The following PCNX1 variants were observed in gnomAD, a reference collection of about 807,000 sequenced individuals.
The protein encoded by PCNX1 is pecanex 1.
In PCNX1, 78 loss-of-function variants were observed where a neutral mutation model predicts 242.2. That is an observed-to-expected ratio of 0.32 (90% CI 0.27 to 0.39). The LOEUF is 0.39. PCNX1 is among the 10% of genes least tolerant of loss of function. PCNX1 has a pLI of 1.00. For missense variants in PCNX1, 2,581 were observed against 2,856.5 expected (o/e 0.90, Z 2.20); for synonymous variants, 1,024 against 1,032.9 (o/e 0.99, Z 0.17).
At chr14:70,932,953 A>G (rs893139855) in intron 1 of PCNX1, among the ~76,000 whole-genome samples, 2 of 152,156 alleles carry the variant, frequency 1.3e-5, no homozygotes, top group South Asian at 4.1e-4. Flanking sequence ...TATGGAACCA[A>G]TTGCATTTTT....
rs368170242 is a variant in PCNX1, at chr14:71,108,750, C to T, written c.6448C>T (p.Arg2150Cys). The change falls in exon 34 of 36, where the codon CGC becomes TGC. Residue 2150 changes from arginine (R) to cysteine (C), a missense_variant. By Grantham distance (180) the Arg-to-Cys change is radical. Transcript: ENST00000304743. Reference protein sequence around the residue: ...MSTTGFVPCRRSSTSQISLRN... With the variant: ...MSTTGFVPCRCSSTSQISLRN... ...CACCACTGGGTTTGTGCCTTGTCGG[C>T]GCTCTTCTACTAGTCAGATATCGCT... 9.3e-6 allele frequency: 15 copies of T among 1,614,228 alleles called. No homozygotes were observed. The highest frequency in any genetic ancestry group is 2.2e-5 in the South Asian group (2 of 91,086).
intron 15 of PCNX1, chr14:71,027,197 C>A: frequency 9.9e-6 from 2 of 202,638 alleles, no homozygotes; most frequent in Non-Finnish European, 2.0e-5. Flanking sequence ...CATAAAAGAT[C>A]ATCTATCCTG....
In PCNX1 at chr14:71,042,835, A is replaced by G. The variant is rs77844248; in HGVS notation, c.3868-2298A>G. Among the ~76,000 whole-genome samples, 1,364 of 151,890 alleles carry G rather than the reference A, an allele frequency of 9.0e-3. 10 individuals carry two copies. The highest frequency in any genetic ancestry group is 0.012 in the Non-Finnish European group (841 of 67,928). ...CTTTTATTGTTTACTCTTCAATTTGATTGGTTTTTTGTAGTAATAACATTT... is the reference window on the plus strand; with the variant it reads ...CTTTTATTGTTTACTCTTCAATTTGGTTGGTTTTTTGTAGTAATAACATTT... On this transcript the variant is annotated intron_variant, in intron 19 of 35. Transcript: ENST00000304743.
In PCNX1 at chr14:70,912,630, T is replaced by A. The variant is rs180885294; in HGVS notation, c.153+4627T>A. 3.3e-5 allele frequency among the ~76,000 whole-genome samples: 5 copies of A among 151,988 alleles called. No homozygotes were observed. In the East Asian group the frequency reaches 9.6e-4, roughly 29 times the overall value. The stretch of plus-strand genomic sequence containing the variant: ...ATCTAGTTGCTTATCCCCCACCCCT[T>A]GCTTTTGAGCAAATCTTACCACTTT... On this transcript the variant is annotated intron_variant, in intron 1 of 35. Transcript: ENST00000304743.
intron 3 of PCNX1, among the ~76,000 whole-genome samples, chr14:70,967,787 A>G (rs989087901): frequency 5.9e-5 from 9 of 152,206 alleles, no homozygotes; most frequent in East Asian, 1.9e-4. Flanking sequence ...TTGTCTGCCA[A>G]ACCTTCCTTT....
At chr14:70,980,584 T>C (rs374449610) in intron 6 of PCNX1, among the ~76,000 whole-genome samples, 128 of 152,264 alleles carry the variant, frequency 8.4e-4, no homozygotes, top group African/African-American at 3.0e-3. Context: ...GGTTTTTTAA[T>C]TGGTTTTTAT....
chr14:71,047,330 G>C (rs1261032001), intron 21 of PCNX1, among the ~76,000 whole-genome samples: 1 of 152,028 alleles, frequency 6.6e-6, no homozygotes, highest in Non-Finnish European at 1.5e-5. Context: ...TATTTTATGA[G>C]AGGACATTTT....
chr14:71,105,477 T>G, intron 33 of PCNX1, 37 bp downstream of exon 33: 1 of 1,503,694 alleles, frequency 6.7e-7, no homozygotes, highest in Non-Finnish European at 9.3e-7. Context: ...AATGTTAGCT[T>G]CTTAGCCATA....
intron 6 of PCNX1, among the ~76,000 whole-genome samples, chr14:70,980,865 A>G (rs1037229240): frequency 6.6e-6 from 1 of 152,182 alleles, no homozygotes; most frequent in Non-Finnish European, 1.5e-5. Context: ...ATACCTATGC[A>G]TAAACCATAG....
Position 71,108,616 on chromosome 14 carries a change from G to C in PCNX1, c.6314G>C (p.Ser2105Thr). 3.1e-6 allele frequency: 5 copies of C among 1,610,524 alleles called. No individual in the cohort carries two copies. Among genetic ancestry groups the C allele is most frequent in the East Asian group, 2.2e-5 (1 of 44,822 alleles). The stretch of plus-strand genomic sequence containing the variant: ...TTTCTCCTCCTAGGCACTAGCCACA[G>C]CTCTCACTCTGTGCAGTCGGGCCTG... Reference protein sequence around the residue: ...SYPPTLGTSHSSHSVQSGLVR... With the variant: ...SYPPTLGTSHTSHSVQSGLVR... The change falls in exon 34 of 36, where the codon AGC becomes ACC. Residue 2105 changes from serine to threonine, a missense_variant. By Grantham distance (58) the Ser-to-Thr change is moderately conservative (BLOSUM62 1). Coordinates refer to ENST00000304743, the MANE Select transcript of PCNX1 (RefSeq NM_014982.3).
At chr14:70,961,229 C>G (rs2058200088) in intron 2 of PCNX1, among the ~76,000 whole-genome samples, 1 of 152,068 alleles carries the variant, frequency 6.6e-6, no homozygotes, top group African/African-American at 2.4e-5. Flanking sequence ...GCCAAAAGAA[C>G]AAAGCTGGAG....
In PCNX1 at chr14:71,113,347, A is replaced by C. The variant is rs887993180; in HGVS notation, c.*3412A>C. On this transcript the variant is annotated 3_prime_UTR_variant, in exon 36 of 36. Coordinates refer to ENST00000304743, the MANE Select transcript of PCNX1 (RefSeq NM_014982.3). ...ACAATATTTGTATCCTAAGTGAGAT[A>C]TGGAAAATTACTCTGTATACTAAAT... is the stretch of plus-strand genomic sequence containing the variant. The C allele has an allele frequency of 6.6e-6, 1 of 152,670 alleles. No homozygotes were observed. Among genetic ancestry groups the C allele is most frequent in the African/African-American group, 2.4e-5 (1 of 41,468 alleles). 9.5% of individuals were successfully genotyped at this position (152,670 alleles called of 1,614,324 possible).
At chr14:70,986,993 G>T (rs1456166143) in intron 6 of PCNX1, among the ~76,000 whole-genome samples, 1 of 152,090 alleles carries the variant, frequency 6.6e-6, no homozygotes, top group East Asian at 1.9e-4. Flanking sequence ...CTGTTAGCAG[G>T]TATACCAATT....
Position 70,977,775 on chromosome 14 carries a change from A to G in PCNX1, c.1438A>G (p.Arg480Gly). 1 of 1,614,160 alleles carries G rather than the reference A, an allele frequency of 6.2e-7. No individual in the cohort carries two copies. The highest frequency in any genetic ancestry group is 8.5e-7 in the Non-Finnish European group (1 of 1,180,030). ...CCCCTCTGATGAGATGCACAACCAG[A>G]GAGGTCTCAGCACCTCTGCATCTGA... ...PTPSDEMHNQ[R>G]GLSTSASEEA... The change falls in exon 6 of 36, where the codon AGA (arginine) becomes GGA (glycine). Residue 480 changes from arginine to glycine, a missense_variant. By Grantham distance (125) the Arg-to-Gly change is moderately radical. Around this residue, in one of 9 missense-constraint regions of PCNX1, gnomAD observed 1,204 missense variants for 1,216.7 expected, o/e 0.99. Coordinates refer to ENST00000304743, the MANE Select transcript of PCNX1 (RefSeq NM_014982.3).
chr14:71,025,583 A>G (rs868345294), intron 13 of PCNX1, among the ~76,000 whole-genome samples: 1 of 152,132 alleles, frequency 6.6e-6, no homozygotes, highest in Non-Finnish European at 1.5e-5. Flanking sequence ...ATATACATAT[A>G]TATTACCCAT....
intron 31 of PCNX1, 125 bp from the exon 32 acceptor site, chr14:71,103,270 T>A: frequency 9.3e-7 from 1 of 1,070,314 alleles, no homozygotes; most frequent in Non-Finnish European, 1.4e-6. Flanking sequence ...CTACTTATAT[T>A]TGTTCCCCGC....
At chr14:71,055,465 A>C (rs763346325) in intron 24 of PCNX1, 39 bp from the exon 25 acceptor site, 3 of 1,180,068 alleles carry the variant, frequency 2.5e-6, no homozygotes, top group Middle Eastern at 2.3e-4. Flanking sequence ...ATATTTTTTA[A>C]TGTAAAGAAA....
At chr14:71,066,583 A>G (rs1258570739) in intron 26 of PCNX1, among the ~76,000 whole-genome samples, 2 of 152,170 alleles carry the variant, frequency 1.3e-5, no homozygotes, top group East Asian at 3.8e-4. Flanking sequence ...CTCTCTTCCT[A>G]TTTAAATACC....
At chr14:71,031,233 A>G (rs570736981) in intron 16 of PCNX1, among the ~76,000 whole-genome samples, 3 of 152,338 alleles carry the variant, frequency 2.0e-5, no homozygotes, top group Admixed American at 6.5e-5. Context: ...TGACCAGTCA[A>G]GGGAAGCTCC....
Sources: allele counts gnomAD v4.1 joint callset (sites outside exome capture counted in the v4.1 genomes callset), GRCh38; gene constraint gnomAD v4.1.1; regional missense constraint gnomAD v4.1.1; transcripts MANE v1.5; gene names NCBI Gene and HGNC (gene_info 2026-07-23, HGNC 2026-07-21).